The following UBE2G1 variants were observed in gnomAD, a reference collection of about 807,000 sequenced individuals.
UBE2G1 encodes the protein ubiquitin-conjugating enzyme E2 G1.
Under a neutral mutation model 22.7 loss-of-function variants are expected in UBE2G1, and 5 were observed. The ratio of observed to expected loss-of-function variants is 0.22; its 90% CI spans 0.12 to 0.46. The LOEUF (loss-of-function observed/expected upper bound fraction) is 0.46. Among genes scored for constraint, UBE2G1 ranks in the 20% least tolerant of loss-of-function variants. The pLI is 0.99. For missense variants in UBE2G1, 88 were observed against 203.9 expected (o/e 0.43, Z 3.46); for synonymous variants, 74 against 67.5 (o/e 1.10, Z -0.47).
rs1025755741 is a variant in UBE2G1, at chr17:4,345,554, G to A, written c.46+20717C>T. 4 of 152,080 alleles carry A rather than the reference G, an allele frequency of 2.6e-5. No homozygotes were observed. The East Asian group carries it at 7.7e-4, about 29-fold the overall frequency. The allele number at this position is 152,080 out of a possible 1,614,324, so 9.4% of individuals were successfully genotyped here. A position where few individuals can be genotyped will look rare whatever the true frequency, so the allele number is the denominator to read the frequency against. On this transcript the variant is annotated intron_variant, in intron 1 of 5. Coordinates refer to ENST00000396981, the MANE Select transcript of UBE2G1 (RefSeq NM_003342.5). ...CACACATACAGTAAATAAACCTTCGGTAACACTATAAAAACAATTACTATT... is the reference window on the plus strand; with the variant it reads ...CACACATACAGTAAATAAACCTTCGATAACACTATAAAAACAATTACTATT...
At chr17:4,363,657 T>C (rs536322972) in intron 1 of UBE2G1, among the ~76,000 whole-genome samples, 1 of 152,184 alleles carries the variant, frequency 6.6e-6, no homozygotes, top group Non-Finnish European at 1.5e-5. Context: ...TTCCATTATG[T>C]AAGAATTCAG....
intron 1 of UBE2G1, among the ~76,000 whole-genome samples, chr17:4,338,360 AAC>A (rs756866479): frequency 2.0e-5 from 3 of 152,174 alleles, no homozygotes; most frequent in Non-Finnish European, 1.5e-5. Flanking sequence ...CTAAATTTTA[AAC>A]ACAGATACAA....
chr17:4,293,490 G>A (rs554710293), intron 3 of UBE2G1, among the ~76,000 whole-genome samples: 1 of 152,216 alleles, frequency 6.6e-6, no homozygotes, highest in African/African-American at 2.4e-5. Context: ...GTGAACACTC[G>A]TGTTCGAGTT....
At chr17:4,329,826 G>A (rs1052475614) in intron 1 of UBE2G1, among the ~76,000 whole-genome samples, 2 of 88,988 alleles carry the variant, frequency 2.2e-5, no homozygotes, top group Non-Finnish European at 4.0e-5. Context: ...TTAAAGGTAT[G>A]CTTTTTTTTT....
intron 1 of UBE2G1, among the ~76,000 whole-genome samples, chr17:4,329,109 GAAAAAAAA>G (rs56962666): frequency 3.1e-4 from 28 of 91,730 alleles, no homozygotes; most frequent in Admixed American, 6.8e-4. Flanking sequence ...GTCTCAAAAA[GAAAAAAAA>G]AAAAAAAAAA....
At chr17:4,284,829 CTTTTCTTTCTTTTTTTTT>C (rs1968940992) in intron 4 of UBE2G1, among the ~76,000 whole-genome samples, 5 of 68,050 alleles carry the variant, frequency 7.3e-5, no homozygotes, top group Non-Finnish European at 1.3e-4. Context: ...CTTTTCTTTT[CTTTTCTTTCTTTTTTTTT>C]TTTTTTTTTT....
At chr17:4,350,436 G>A (rs1314142263) in intron 1 of UBE2G1, among the ~76,000 whole-genome samples, 1 of 152,014 alleles carries the variant, frequency 6.6e-6, no homozygotes, top group East Asian at 1.9e-4. Flanking sequence ...TCCAGCCTGG[G>A]CAACAGAGCA....
intron 1 of UBE2G1, among the ~76,000 whole-genome samples, chr17:4,357,010 T>A (rs1344418619): frequency 6.6e-6 from 1 of 152,140 alleles, no homozygotes; most frequent in Non-Finnish European, 1.5e-5. Flanking sequence ...TCTAGCACAA[T>A]ATCAAACCCA....
chr17:4,366,368 C>CA lies in UBE2G1; in HGVS notation c.-53dup, dbSNP rs766228257. The CA allele has an allele frequency of 1.4e-6, 2 of 1,480,584 alleles. No individual in the cohort carries two copies. The highest frequency in any genetic ancestry group is 2.9e-5 in the African/African-American group (2 of 68,624). The allele number at this position is 1,480,584 out of a possible 1,614,324, so 91.7% of individuals were successfully genotyped here. ...GCCGGGGCTTCCGAAGGGCTGGGGA[C>CA]AGGCTCTGGGGGCGGCTGGAGCGGG... is the stretch of plus-strand genomic sequence containing the variant. On this transcript the variant is annotated 5_prime_UTR_variant, in exon 1 of 6. Transcript: ENST00000396981.
At chr17:4,364,205 A>C (rs182028105) in intron 1 of UBE2G1, 1,639 of 143,216 alleles carry the variant, frequency 0.011, 22 homozygotes, top group Non-Finnish European at 0.018. Flanking sequence ...CAGAGGTTGC[A>C]GTGAGCCGAG....
Position 4,270,424 on chromosome 17 carries a change from C to CTG in UBE2G1, c.*2128_*2129dup, listed in dbSNP as rs1293398207. ...ATTAGCCAGGCATGGTGGCATACAC[C>CTG]TGTAGTCCTAGCTACTCAGGAGGCT... On this transcript the variant is annotated 3_prime_UTR_variant, in exon 6 of 6. Coordinates refer to ENST00000396981, the MANE Select transcript of UBE2G1 (RefSeq NM_003342.5). The CTG allele has an allele frequency of 6.6e-6, 1 of 152,152 alleles. No individual in the cohort carries two copies. Among genetic ancestry groups the CTG allele is most frequent in the Non-Finnish European group, 1.5e-5 (1 of 68,122 alleles). 9.4% of individuals were successfully genotyped at this position (152,152 alleles called of 1,614,324 possible).
intron 1 of UBE2G1, among the ~76,000 whole-genome samples, chr17:4,363,883 C>A (rs1464129737): frequency 7.9e-6 from 1 of 127,346 alleles, no homozygotes; most frequent in South Asian, 2.7e-4. Context: ...ACCCGGGAGG[C>A]GGAGCTTGCA....
intron 1 of UBE2G1, among the ~76,000 whole-genome samples, chr17:4,334,134 C>T (rs1453955083): frequency 6.6e-6 from 1 of 151,824 alleles, no homozygotes; most frequent in Non-Finnish European, 1.5e-5. Context: ...ATGATCATGG[C>T]TCACTGCAGC....
chr17:4,285,131 A>G (rs567531546), intron 4 of UBE2G1, among the ~76,000 whole-genome samples: 1 of 152,228 alleles, frequency 6.6e-6, no homozygotes, highest in Non-Finnish European at 1.5e-5. Flanking sequence ...GGCGTAAGCC[A>G]CCATGCCCAG....
chr17:4,336,824 A>G (rs1969653872), intron 1 of UBE2G1, among the ~76,000 whole-genome samples: 1 of 152,246 alleles, frequency 6.6e-6, no homozygotes, highest in Admixed American at 6.5e-5. Context: ...AAGTAAGAAT[A>G]TAAGAGTATC....
At chr17:4,323,818 C>G (rs1438456770) in intron 1 of UBE2G1, among the ~76,000 whole-genome samples, 1 of 152,162 alleles carries the variant, frequency 6.6e-6, no homozygotes, top group Non-Finnish European at 1.5e-5. Flanking sequence ...CCTGGGATTA[C>G]AGGTGTGAGC....
chr17:4,355,775 G>A (rs1298380551), intron 1 of UBE2G1, among the ~76,000 whole-genome samples: 6 of 140,612 alleles, frequency 4.3e-5, no homozygotes, highest in Non-Finnish European at 7.6e-5. Context: ...ATCTCAGCTC[G>A]CTGCAACCTC....
intron 1 of UBE2G1, among the ~76,000 whole-genome samples, chr17:4,321,341 G>A (rs773512358): frequency 6.0e-5 from 7 of 115,930 alleles, no homozygotes; most frequent in Non-Finnish European, 1.1e-4. Context: ...CTAACACTGG[G>A]TACTTTTACT....
intron 2 of UBE2G1, chr17:4,301,377 C>T: frequency 1.8e-6 from 1 of 558,460 alleles, no homozygotes; most frequent in Non-Finnish European, 3.4e-6. Flanking sequence ...AGCATGGGTG[C>T]TGCTGGCCCT....
Sources: gnomAD v4.1 joint callset for allele counts (sites outside exome capture counted in the v4.1 genomes callset) on GRCh38, gnomAD v4.1.1 for gene constraint, MANE v1.5 for transcripts, NCBI Gene and HGNC (gene_info 2026-07-23, HGNC 2026-07-21) for gene names.